Variants in YTHDF2 observed in about 807,000 individuals in gnomAD.
The protein encoded by YTHDF2 is YTH N6-methyladenosine RNA binding protein F2, also known as YTH domain-containing family protein 2.
In YTHDF2, 2 loss-of-function variants were observed where a neutral mutation model predicts 50.4. The observed-to-expected ratio is 0.04, with a 90% CI of 0.02 to 0.12. YTHDF2 has a LOEUF of 0.12. YTHDF2 is among the 10% of genes least tolerant of loss of function. The probability of loss-of-function intolerance (pLI) is 1.00; values close to 1 mark genes in which losing one functional copy is unlikely to be tolerated. For missense variants in YTHDF2, 483 were observed against 722.6 expected (o/e 0.67, Z 3.80); for synonymous variants, 217 against 255.6 (o/e 0.85, Z 1.44).
At chr1:28,741,778 G>T (rs1243599802) in intron 3 of YTHDF2, among the ~76,000 whole-genome samples, 1 of 152,170 alleles carries the variant, frequency 6.6e-6, no homozygotes, top group Non-Finnish European at 1.5e-5. Context: ...GCTAGAACTT[G>T]AAATTTCCAT....
chr1:28,739,923 A>G (rs2087750977), intron 3 of YTHDF2, among the ~76,000 whole-genome samples: 2 of 152,236 alleles, frequency 1.3e-5, no homozygotes, highest in Admixed American at 6.5e-5. Context: ...AACTGGCAAT[A>G]TATCTTCCAA....
At chr1:28,754,932 G>A (rs1024308294) in intron 4 of YTHDF2, among the ~76,000 whole-genome samples, 4 of 133,978 alleles carry the variant, frequency 3.0e-5, no homozygotes, top group East Asian at 2.2e-4. Context: ...AGCCGAGATC[G>A]CAACACTGCA....
rs375559958 is a variant in YTHDF2 at position 28,754,517 on chromosome 1, G to A, written c.1716+10531G>A. 8.2e-5 allele frequency among the ~76,000 whole-genome samples: 12 copies of A among 146,436 alleles called. No homozygotes were observed. In the South Asian group the frequency reaches 1.3e-3, roughly 16 times the overall value. On this transcript the variant is annotated intron_variant, in intron 4 of 4. Transcript: ENST00000373812. ...TGCACTCCAGCCTGGGCGAAAGAGC[G>A]AGACTGTGTCTCAAAAAAAAAATTG...
rs1455515655 is a variant in YTHDF2, at chr1:28,740,025, G to A, written c.132+1687G>A. The stretch of plus-strand genomic sequence containing the variant: ...CCTGAATAACTGCATGCCCATATAT[G>A]GATCTGATTATCACATAAAACTTGT... On this transcript the variant is annotated intron_variant, in intron 3 of 4. Coordinates refer to ENST00000373812, the MANE Select transcript of YTHDF2 (RefSeq NM_016258.3). Among the ~76,000 whole-genome samples the A allele has an allele frequency of 5.9e-5, 9 of 152,122 alleles. No individual in the cohort carries two copies. In the South Asian group the frequency reaches 1.9e-3, roughly 32 times the overall value.
At chr1:28,745,853 A>G (rs1188467649) in intron 4 of YTHDF2, among the ~76,000 whole-genome samples, 1 of 150,036 alleles carries the variant, frequency 6.7e-6, no homozygotes, top group Non-Finnish European at 1.5e-5. Context: ...CAGCCTGGGC[A>G]ATGTAGTGAG....
At chr1:28,737,810 T>G (rs1051601465) in intron 2 of YTHDF2, 128 bp downstream of exon 2, 4 of 1,116,394 alleles carry the variant, frequency 3.6e-6, no homozygotes, top group African/African-American at 3.1e-5. Context: ...GCCGCACACT[T>G]AAGTATTTTG....
At chr1:28,744,099 C>T (rs947835098) in intron 4 of YTHDF2, 113 bp downstream of exon 4, 1 of 1,154,248 alleles carries the variant, frequency 8.7e-7, no homozygotes, top group Non-Finnish European at 1.2e-6. Context: ...ACAGTATCAC[C>T]TAACAGTTCA....
intron 4 of YTHDF2, among the ~76,000 whole-genome samples, chr1:28,763,439 A>G (rs1187211327): frequency 2.0e-5 from 3 of 151,726 alleles, no homozygotes; most frequent in East Asian, 3.9e-4. Context: ...AGGGCTGGCT[A>G]GTTTTTTATT....
chr1:28,746,685 G>A (rs115557000), intron 4 of YTHDF2, among the ~76,000 whole-genome samples: 6,004 of 152,074 alleles, frequency 0.039, 379 homozygotes, highest in African/African-American at 0.14. Context: ...TCTTGGACCC[G>A]GGAGGCAGGG....
rs942201202 is a variant in YTHDF2, at chr1:28,737,155, C to T, written c.27+8C>T. The T allele has an allele frequency of 1.3e-6, 2 of 1,590,964 alleles. No individual in the cohort carries two copies. The highest frequency in any genetic ancestry group is 1.7e-5 in the Admixed American group (1 of 57,678). ...AGCAGCCTCTTGGAGCAGGTACAGG[C>T]CCGGCCCGCATGCCTCGGCCATTGT... On this transcript the variant is annotated splice_region_variant and intron_variant, in intron 1 of 4. Transcript: ENST00000373812.
chr1:28,737,457 C>T lies in YTHDF2; in HGVS notation c.28-201C>T, dbSNP rs189548043. 666 of 705,598 alleles carry T rather than the reference C, an allele frequency of 9.4e-4. 5 individuals are homozygous for T. The highest frequency in any genetic ancestry group is 9.4e-3 in the African/African-American group (501 of 53,142). The allele number at this position is 705,598 out of a possible 1,614,324, so 43.7% of individuals were successfully genotyped here. On this transcript the variant is annotated intron_variant, in intron 1 of 4. Coordinates refer to ENST00000373812, the MANE Select transcript of YTHDF2 (RefSeq NM_016258.3). ...GTTCCTCGCGTCGCCGGTGGCGCGTCTGCCGCGTTTTCTCCCCTGCCCCAC... is the reference window on the plus strand; with the variant it reads ...GTTCCTCGCGTCGCCGGTGGCGCGTTTGCCGCGTTTTCTCCCCTGCCCCAC...
At chr1:28,754,492 T>G (rs1039326816) in intron 4 of YTHDF2, among the ~76,000 whole-genome samples, 10 of 151,920 alleles carry the variant, frequency 6.6e-5, no homozygotes, top group Non-Finnish European at 1.5e-4. Flanking sequence ...ATAGCGCTAC[T>G]GCACTCCAGC....
chr1:28,746,551 T>C (rs2087864042), intron 4 of YTHDF2, among the ~76,000 whole-genome samples: 1 of 150,424 alleles, frequency 6.6e-6, no homozygotes, highest in Admixed American at 6.7e-5. Flanking sequence ...GCCAGCAGTT[T>C]GAGGCCAGCA....
chr1:28,751,243 G>A (rs2087947676), intron 4 of YTHDF2, among the ~76,000 whole-genome samples: 1 of 152,050 alleles, frequency 6.6e-6, no homozygotes, highest in African/African-American at 2.4e-5. Flanking sequence ...GGGTGACAGA[G>A]CGAGACTGTC....
intron 4 of YTHDF2, among the ~76,000 whole-genome samples, chr1:28,752,818 G>C (rs1199643618): frequency 6.6e-6 from 1 of 151,972 alleles, no homozygotes; most frequent in East Asian, 1.9e-4. Flanking sequence ...TGAGGTGGGA[G>C]GATTGCCTGA....
chr1:28,750,065 A>G (rs1482105051), intron 4 of YTHDF2, among the ~76,000 whole-genome samples: 2 of 129,952 alleles, frequency 1.5e-5, no homozygotes, highest in East Asian at 4.6e-4. Context: ...ATCTCGGCTC[A>G]CTGCAACCTC....
intron 4 of YTHDF2, among the ~76,000 whole-genome samples, chr1:28,748,599 CAT>C (rs1236548417): frequency 6.6e-6 from 1 of 152,356 alleles, no homozygotes; most frequent in South Asian, 2.1e-4. Context: ...ATCTAATTAA[CAT>C]AGAACCTTCA....
Position 28,738,936 on chromosome 1 carries a change from C to G in YTHDF2, c.132+598C>G, listed in dbSNP as rs544820663. On this transcript the variant is annotated intron_variant, in intron 3 of 4. Transcript: ENST00000373812. The stretch of plus-strand genomic sequence containing the variant: ...AGAACGTAATACTGATAACACTCTA[C>G]TGGCAGTAACATGTGCATGAATAAT... 3.3e-5 allele frequency among the ~76,000 whole-genome samples: 5 copies of G among 152,342 alleles called. No homozygotes were observed. The South Asian group carries it at 1.0e-3, about 32-fold the overall frequency.
chr1:28,737,733 G>GT (rs2087716864), intron 2 of YTHDF2, 51 bp downstream of exon 2: 1 of 1,603,650 alleles, frequency 6.2e-7, no homozygotes, highest in Admixed American at 1.7e-5. Flanking sequence ...ACGCGGGGCG[G>GT]TGGGGGCGGG....
Sources: allele counts gnomAD v4.1 joint callset (sites outside exome capture counted in the v4.1 genomes callset), GRCh38; gene constraint gnomAD v4.1.1; transcripts MANE v1.5; gene names NCBI Gene and HGNC (gene_info 2026-07-23, HGNC 2026-07-21).